ZNF282: variants seen among roughly 807,000 people sequenced by gnomAD.
ZNF282 encodes HTLV-I U5 repressive element-binding protein 1.
In ZNF282, 30 loss-of-function variants were observed where a neutral mutation model predicts 61.9. The observed-to-expected ratio is 0.48, with a 90% confidence interval of 0.36 to 0.66. ZNF282 has a LOEUF of 0.66. Among genes scored for constraint, ZNF282 ranks in the 30% least tolerant of loss-of-function variants. ZNF282 has a pLI of 0.00. For missense variants in ZNF282, 788 were observed against 941.4 expected (o/e 0.84, Z 2.13); for synonymous variants, 396 against 405.0 (o/e 0.98, Z 0.27).
At chr7:149,202,123 G>A (rs1424902909) in intron 2 of ZNF282, among the ~76,000 whole-genome samples, 1 of 149,560 alleles carries the variant, frequency 6.7e-6, no homozygotes, top group African/African-American at 2.5e-5. Flanking sequence ...TTTTGCCATT[G>A]ACATCTTAAA....
intron 6 of ZNF282, 151 bp from the exon 7 acceptor site, chr7:149,213,550 G>A (rs899373927): frequency 1.6e-6 from 1 of 615,872 alleles, no homozygotes; most frequent in East Asian, 2.9e-5. Context: ...AGGGGCTTAT[G>A]AGGGTAAGGA....
chr7:149,200,958 C>T (rs1563174822), intron 2 of ZNF282, among the ~76,000 whole-genome samples: 1 of 152,172 alleles, frequency 6.6e-6, no homozygotes, highest in Non-Finnish European at 1.5e-5. Flanking sequence ...CTTTCTCTCC[C>T]CTGCTCCCTT....
At chr7:149,195,882 G>C (rs1300780541) in intron 1 of ZNF282, 128 bp downstream of exon 1, 1 of 848,088 alleles carries the variant, frequency 1.2e-6, no homozygotes, top group African/African-American at 1.8e-5. Context: ...GCCCAGGCGA[G>C]GCCCGAGGCG....
At position 149,212,356 on chromosome 7, in the gene ZNF282, A is replaced by G. The variant is rs770314234; in HGVS notation, c.953-2A>G. On this transcript the variant is annotated splice_acceptor_variant, in intron 5 of 7. Coordinates refer to ENST00000610704, the MANE Select transcript of ZNF282 (RefSeq NM_003575.4). LOFTEE classifies it high-confidence loss of function. ...CTTTGCCGCTCTTGTTCCCGCAAGT[A>G]GACTCCCCAATTTCTGCCCAGGACC... is the stretch of plus-strand genomic sequence containing the variant. The G allele has an allele frequency of 2.5e-6, 4 of 1,607,286 alleles. No individual in the cohort carries two copies. The highest frequency in any genetic ancestry group is 3.4e-6 in the Non-Finnish European group (4 of 1,177,422).
At chr7:149,219,035 G>A (rs1178087010) in intron 7 of ZNF282, among the ~76,000 whole-genome samples, 1 of 152,200 alleles carries the variant, frequency 6.6e-6, no homozygotes, top group Non-Finnish European at 1.5e-5. Context: ...CCGAGTTTCT[G>A]TTGGGGCTTC....
intron 6 of ZNF282, 152 bp downstream of exon 6, chr7:149,212,623 C>A: frequency 3.1e-6 from 2 of 640,672 alleles, no homozygotes; most frequent in Non-Finnish European, 5.3e-6. Flanking sequence ...CTCTGTTGTT[C>A]AGGCTGGAGT....
At chr7:149,222,650 T>G (rs1411376748) in intron 7 of ZNF282, among the ~76,000 whole-genome samples, 1 of 152,054 alleles carries the variant, frequency 6.6e-6, no homozygotes, top group Admixed American at 6.6e-5. Context: ...TTTTTTATTT[T>G]TATTTATTTA....
At position 149,213,827 on chromosome 7, in the gene ZNF282, C is replaced by G; in HGVS notation, c.1180+13C>G. On this transcript the variant is annotated intron_variant, in intron 7 of 7. Transcript: ENST00000610704. ...GACTCTGGCCCTAGTGAGTAACGTC[C>G]CCACCTAGACCCTGGGGTTTCTTCT... 6.3e-7 allele frequency: 1 copy of G among 1,587,762 alleles called. No individual in the cohort carries two copies. The highest frequency in any genetic ancestry group is 1.1e-5 in the South Asian group (1 of 90,292).
chr7:149,214,694 G>A (rs1026660644), intron 7 of ZNF282, among the ~76,000 whole-genome samples: 5 of 152,116 alleles, frequency 3.3e-5, no homozygotes, highest in African/African-American at 4.8e-5. Flanking sequence ...TTAGCCAGGC[G>A]TGGTGACTTA....
intron 2 of ZNF282, among the ~76,000 whole-genome samples, chr7:149,201,828 C>T (rs908385426): frequency 1.3e-5 from 2 of 152,154 alleles, no homozygotes; most frequent in African/African-American, 2.4e-5. Flanking sequence ...TTATGGCCCA[C>T]GCTCTCTTCC....
intron 2 of ZNF282, among the ~76,000 whole-genome samples, chr7:149,203,527 T>G (rs1298708093): frequency 3.9e-5 from 6 of 152,202 alleles, no homozygotes; most frequent in Non-Finnish European, 8.8e-5. Flanking sequence ...TTTTATTTAT[T>G]TTTATTCTTT....
rs1283167062 is a variant in ZNF282 at position 149,224,121 on chromosome 7, G to T, written c.1490G>T (p.Gly497Val). The change falls in exon 8 of 8, where the codon GGC becomes GTC. Residue 497 changes from glycine to valine, a missense_variant. Physicochemically the swap from Gly to Val is moderately radical, Grantham distance 109 (BLOSUM62 -3). This residue lies in a region of ZNF282 where 559 missense variants were observed against 642.0 expected (regional missense o/e 0.87). Transcript: ENST00000610704. Reference sequence around the variant, plus strand: ...GGGACGGGGGCAGGCGGCGGCTGTGGCAGCTGCTGCCCTGGCGGGCTGCGG... The same window carrying T: ...GGGACGGGGGCAGGCGGCGGCTGTGTCAGCTGCTGCCCTGGCGGGCTGCGG... Reference protein sequence around the residue: ...EAGTGAGGGCGSCCPGGLRRS... With the variant: ...EAGTGAGGGCVSCCPGGLRRS... 6 of 1,447,756 alleles carry T rather than the reference G, an allele frequency of 4.1e-6. No individual in the cohort carries two copies. The highest frequency in any genetic ancestry group is 5.4e-6 in the Non-Finnish European group (6 of 1,105,910). The allele number at this position is 1,447,756 out of a possible 1,614,324, so 89.7% of individuals were successfully genotyped here. A position where few individuals can be genotyped will look rare whatever the true frequency, so the allele number is the denominator to read the frequency against.
At chr7:149,208,512 G>A (rs112404883) in intron 4 of ZNF282, among the ~76,000 whole-genome samples, 3 of 151,880 alleles carry the variant, frequency 2.0e-5, no homozygotes, top group East Asian at 3.9e-4. Flanking sequence ...CGTGTCCTCC[G>A]TTGTTTTTAA....
Position 149,224,080 on chromosome 7 carries a change from C to T in ZNF282, c.1449C>T (p.Gly483=). 1 of 1,236,912 alleles carries T rather than the reference C, an allele frequency of 8.1e-7. No individual in the cohort carries two copies. The highest frequency in any genetic ancestry group is 1.0e-6 in the Non-Finnish European group (1 of 989,948). 76.6% of individuals were successfully genotyped at this position (1,236,912 alleles called of 1,614,324 possible). The change falls in exon 8 of 8, where the codon GGC becomes GGT. Residue 483 remains glycine (G), a synonymous_variant. Coordinates refer to ENST00000610704, the MANE Select transcript of ZNF282 (RefSeq NM_003575.4). ...GGGGGDGGGG[G]GGAEAGTGAG... is the part of the protein sequence containing the mutation. ...GCGGGGGCGATGGGGGCGGTGGGGG[C>T]GGCGGCGCGGAGGCGGGGACGGGGG...
At chr7:149,216,859 A>G (rs1301930044) in intron 7 of ZNF282, among the ~76,000 whole-genome samples, 1 of 152,250 alleles carries the variant, frequency 6.6e-6, no homozygotes, top group East Asian at 1.9e-4. Context: ...TTCTTGTAAA[A>G]GGGACTCCTG....
chr7:149,218,946 G>A (rs1043290830), intron 7 of ZNF282, among the ~76,000 whole-genome samples: 3 of 152,196 alleles, frequency 2.0e-5, no homozygotes, highest in Admixed American at 6.5e-5. Context: ...GAGTCAGGAT[G>A]TGTCACCCTC....
At chr7:149,202,762 T>C (rs1036957990) in intron 2 of ZNF282, among the ~76,000 whole-genome samples, 8 of 152,194 alleles carry the variant, frequency 5.3e-5, no homozygotes, top group African/African-American at 1.9e-4. Context: ...TATGATATTA[T>C]TCTTAAGTTT....
chr7:149,212,507 A>G (rs765035854), intron 6 of ZNF282, 36 bp downstream of exon 6: 32 of 1,477,842 alleles, frequency 2.2e-5, no homozygotes, highest in African/African-American at 7.0e-5. Flanking sequence ...TGAGGGCAAC[A>G]AGTGTTTTTC....
rs115864762 is a variant in ZNF282 at position 149,212,246 on chromosome 7, G to T, written c.953-112G>T. 5.2e-3 allele frequency: 3,573 copies of T among 691,068 alleles called. 89 individuals are homozygous for T. The African/African-American group carries it at 0.058, about 11-fold the overall frequency. The allele number at this position is 691,068 out of a possible 1,614,324, so 42.8% of individuals were successfully genotyped here. ...TAATGAGACTTATGTAATTGTACCTGATGTTTAGGGGAAAGAGATAATTGC... is the reference window on the plus strand; with the variant it reads ...TAATGAGACTTATGTAATTGTACCTTATGTTTAGGGGAAAGAGATAATTGC... On this transcript the variant is annotated intron_variant, in intron 5 of 7. Transcript: ENST00000610704.
Sources: gnomAD v4.1 joint callset for allele counts (sites outside exome capture counted in the v4.1 genomes callset) on GRCh38, gnomAD v4.1.1 for gene constraint, gnomAD v4.1.1 regional missense constraint, MANE v1.5 for transcripts, NCBI Gene and HGNC (gene_info 2026-07-23, HGNC 2026-07-21) for gene names.